PARP12: variants seen among roughly 807,000 people sequenced by gnomAD.
PARP12 encodes protein mono-ADP-ribosyltransferase PARP12.
In PARP12, 59 loss-of-function variants were observed where a neutral mutation model predicts 72.4. That is an observed-to-expected ratio of 0.81 (90% CI 0.66 to 1.01). The LOEUF is 1.01. PARP12 is among the 50% of genes least tolerant of loss of function. The probability of loss-of-function intolerance (pLI) is 0.00; values close to 1 mark genes in which losing one functional copy is unlikely to be tolerated. For synonymous variants in PARP12, 403 were observed against 371.4 expected (o/e 1.09, Z -0.98); for missense variants, 851 against 914.0 (o/e 0.93, Z 0.89).
chr7:140,047,095 A>G (rs1175020028), intron 4 of PARP12, 88 bp from the exon 5 acceptor site: 12 of 1,423,972 alleles, frequency 8.4e-6, no homozygotes, highest in Non-Finnish European at 1.1e-5. Flanking sequence ...GGTGCTGCCC[A>G]CTGACCTGGG....
At position 140,026,324 on chromosome 7, in the gene PARP12, C is replaced by A. The variant is rs976278162; in HGVS notation, c.1653G>T (p.Gln551His). The change falls in exon 11 of 12, where the codon CAG (glutamine) becomes CAT (histidine). Residue 551 changes from glutamine (Q) to histidine (H), a missense_variant. This residue lies in a region of PARP12 where 347 missense variants were observed against 396.1 expected (regional missense o/e 0.88). Coordinates refer to ENST00000263549, the MANE Select transcript of PARP12 (RefSeq NM_022750.4). ...GCTCGTCCACGGCCTTCCCTCCGTT[C>A]TGCTTCTGCATCTGTCCTTTTTGCC... ...YQWQKGQMQK[Q>H]NGGKAVDERQ... 1.2e-6 allele frequency: 2 copies of A among 1,611,928 alleles called. No individual in the cohort carries two copies. The highest frequency in any genetic ancestry group is 2.7e-5 in the African/African-American group (2 of 74,954).
In PARP12 at chr7:140,055,194, A is replaced by C. The variant is rs150564358; in HGVS notation, c.761-431T>G. Among the ~76,000 whole-genome samples the C allele has an allele frequency of 1.0e-2, 1,516 of 152,330 alleles. 14 individuals are homozygous for C. The highest frequency in any genetic ancestry group is 0.017 in the Non-Finnish European group (1,153 of 68,026). On this transcript the variant is annotated intron_variant, in intron 3 of 11. Coordinates refer to ENST00000263549, the MANE Select transcript of PARP12 (RefSeq NM_022750.4). ...CATCTTACAATTCCTTCTATGCCTA[A>C]GGTTGTGATGACCCCTGAGGGCAAA...
In PARP12 at chr7:140,026,449, G is replaced by T. The variant is rs532115842; in HGVS notation, c.1629-101C>A. 1,292 of 1,492,370 alleles carry T rather than the reference G, an allele frequency of 8.7e-4. 22 individuals are homozygous for T. In the South Asian group the frequency reaches 0.013, roughly 15 times the overall value. The allele number at this position is 1,492,370 out of a possible 1,614,324, so 92.4% of individuals were successfully genotyped here. A position where few individuals can be genotyped will look rare whatever the true frequency, so the allele number is the denominator to read the frequency against. ...CACATTTTTCCAAAATTCCAAAAGT[G>T]TCCTGGGACCAAGAGACGCAGGTCA... On this transcript the variant is annotated intron_variant, in intron 10 of 11. Transcript: ENST00000263549.
At chr7:140,051,088 G>C (rs1414963136) in intron 4 of PARP12, among the ~76,000 whole-genome samples, 1 of 152,134 alleles carries the variant, frequency 6.6e-6, no homozygotes, top group Non-Finnish European at 1.5e-5. Context: ...AATGAAGACG[G>C]GGTTACTTTG....
At chr7:140,050,291 G>C (rs1230634820) in intron 4 of PARP12, among the ~76,000 whole-genome samples, 4 of 152,190 alleles carry the variant, frequency 2.6e-5, no homozygotes. Flanking sequence ...GGGAGCCCCT[G>C]GCAGAGGCAC....
chr7:140,057,188 G>A, intron 2 of PARP12, 35 bp from the exon 3 acceptor site: 1 of 1,587,490 alleles, frequency 6.3e-7, no homozygotes, highest in Non-Finnish European at 8.6e-7. Flanking sequence ...ACCAGTTCAG[G>A]AAGGTCTCAC....
intron 9 of PARP12, among the ~76,000 whole-genome samples, chr7:140,028,254 G>A (rs936225441): frequency 1.3e-5 from 2 of 152,024 alleles, no homozygotes; most frequent in Admixed American, 6.6e-5. Context: ...AATGTCCATC[G>A]GACTCAGGTC....
rs1307692445 is a variant in PARP12, at chr7:140,058,886, G to A, written c.327-852C>T. On this transcript the variant is annotated intron_variant, in intron 1 of 11. Transcript: ENST00000263549. ...CAGGGTGGATGGATCACTTGAGGTCGGGAGTTCGAGACTAGCCTGGCCAAC... is the reference window on the plus strand; with the variant it reads ...CAGGGTGGATGGATCACTTGAGGTCAGGAGTTCGAGACTAGCCTGGCCAAC... Among the ~76,000 whole-genome samples, 7 of 152,064 alleles carry A rather than the reference G, an allele frequency of 4.6e-5. No individual in the cohort carries two copies. In the South Asian group the frequency reaches 1.2e-3, roughly 27 times the overall value.
At chr7:140,040,835 C>T (rs1261792900) in intron 6 of PARP12, among the ~76,000 whole-genome samples, 1 of 152,234 alleles carries the variant, frequency 6.6e-6, no homozygotes, top group Non-Finnish European at 1.5e-5. Flanking sequence ...GTGATCTCTG[C>T]TCACTGCAAC....
rs1016552209 is a variant in PARP12, at chr7:140,062,740, G to C, written c.108C>G (p.Ala36=). The C allele has an allele frequency of 1.5e-6, 2 of 1,368,760 alleles. No homozygotes were observed. Among genetic ancestry groups the C allele is most frequent in the African/African-American group, 1.5e-5 (1 of 65,840 alleles). 84.8% of individuals were successfully genotyped at this position (1,368,760 alleles called of 1,614,324 possible). Residue 36 remains alanine (A), a synonymous_variant, in exon 1 of 12, where the codon GCC becomes GCG. Transcript: ENST00000263549. Reference sequence around the variant, plus strand: ...GCCGCAGCAGCCGCTCCAGCGCGTCGGCGCTCAAGCCCATCCGCAAGCGGC... The same window carrying C: ...GCCGCAGCAGCCGCTCCAGCGCGTCCGCGCTCAAGCCCATCCGCAAGCGGC... ...LRRRLRMGLS[A]DALERLLRQR... is the part of the protein sequence containing the mutation.
chr7:140,034,291 CT>C lies in PARP12; in HGVS notation c.1364del (p.Lys455ArgfsTer14). ...QKNLVYGTTK[K>X]VCRRPKYVSP... ...ACACGTATTTGGGTCTGCGGCAAAC[CT>C]TTTTAGTTGTGCCATAGACCAGGTT... On this transcript the variant is annotated frameshift_variant, in exon 8 of 12. Coordinates refer to ENST00000263549, the MANE Select transcript of PARP12 (RefSeq NM_022750.4). LOFTEE classifies it high-confidence loss of function. The C allele has an allele frequency of 6.2e-7, 1 of 1,612,926 alleles. No homozygotes were observed. The highest frequency in any genetic ancestry group is 1.3e-5 in the African/African-American group (1 of 74,922).
At chr7:140,034,144 G>C (rs1007745248) in intron 8 of PARP12, 91 bp downstream of exon 8, 1 of 1,500,834 alleles carries the variant, frequency 6.7e-7, no homozygotes, top group Non-Finnish European at 8.9e-7. Context: ...AACGGTGCCC[G>C]GGTGCTGTCT....
At chr7:140,051,193 A>G (rs1030449599) in intron 4 of PARP12, among the ~76,000 whole-genome samples, 3 of 152,180 alleles carry the variant, frequency 2.0e-5, no homozygotes, top group Non-Finnish European at 4.4e-5. Context: ...AAGTTCATGG[A>G]AAACGGAATT....
chr7:140,037,823 T>C lies in PARP12; in HGVS notation c.1216A>G (p.Ser406Gly). 1.2e-6 allele frequency: 2 copies of C among 1,613,512 alleles called. No individual in the cohort carries two copies. The highest frequency in any genetic ancestry group is 1.1e-5 in the South Asian group (1 of 91,078). Reference sequence around the variant, plus strand: ...GCCAGGTAGGCCTTCTCCACGTCGCTACTGCTGACAGTGGTCACAGGGTGC... The same window carrying C: ...GCCAGGTAGGCCTTCTCCACGTCGCCACTGCTGACAGTGGTCACAGGGTGC... ...TVHPVTTVSSSDVEKAYLAYC... is the reference protein window; with the variant it reads ...TVHPVTTVSSGDVEKAYLAYC... Residue 406 changes from serine (S) to glycine (G), a missense_variant, in exon 7 of 12, where the codon AGC (serine) becomes GGC (glycine). By Grantham distance (56) the Ser-to-Gly change is moderately conservative (BLOSUM62 0). Transcript: ENST00000263549.
chr7:140,048,478 A>G (rs1816826578), intron 4 of PARP12, among the ~76,000 whole-genome samples: 1 of 152,186 alleles, frequency 6.6e-6, no homozygotes, highest in Non-Finnish European at 1.5e-5. Flanking sequence ...AAGGAGAGAA[A>G]AAGAATGAGA....
rs941124167 is a variant in PARP12, at chr7:140,024,414, T to A, written c.*146A>T. ...GTGACTTAAAAGTAAAAATCATTATTAGCAAGAGATTAAGAACATAACTTC... is the reference window on the plus strand; with the variant it reads ...GTGACTTAAAAGTAAAAATCATTATAAGCAAGAGATTAAGAACATAACTTC... On this transcript the variant is annotated 3_prime_UTR_variant, in exon 12 of 12. Coordinates refer to ENST00000263549, the MANE Select transcript of PARP12 (RefSeq NM_022750.4). The A allele has an allele frequency of 3.2e-6, 3 of 935,940 alleles. No homozygotes were observed. In the African/African-American group the frequency reaches 5.0e-5, roughly 15 times the overall value. The allele number at this position is 935,940 out of a possible 1,614,324, so 58.0% of individuals were successfully genotyped here. A position where few individuals can be genotyped will look rare whatever the true frequency, so the allele number is the denominator to read the frequency against.
chr7:140,055,980 G>A (rs1320317387), intron 3 of PARP12, among the ~76,000 whole-genome samples: 2 of 152,222 alleles, frequency 1.3e-5, no homozygotes, highest in Non-Finnish European at 1.5e-5. Flanking sequence ...TCTGAGGGGA[G>A]GCATGTCTCA....
chr7:140,027,556 A>G, intron 9 of PARP12, 150 bp from the exon 10 acceptor site: 1 of 890,548 alleles, frequency 1.1e-6, no homozygotes, highest in Non-Finnish European at 1.7e-6. Flanking sequence ...CTCCAGGCAC[A>G]GGAGACAATC....
Position 140,062,770 on chromosome 7 carries a change from C to T in PARP12, c.78G>A (p.Leu26=), listed in dbSNP as rs1817524463. ...TCAAGCCCATCCGCAAGCGGCGCCG[C>T]AGCTCGGGCAACTCCAGGGCGCCCC... ...AAGGALELPE[L]RRRLRMGLSA... is the part of the protein sequence containing the mutation. Residue 26 remains leucine, a synonymous_variant, in exon 1 of 12, where the codon CTG becomes CTA. Coordinates refer to ENST00000263549, the MANE Select transcript of PARP12 (RefSeq NM_022750.4). 7.2e-7 allele frequency: 1 copy of T among 1,396,154 alleles called. No homozygotes were observed. Among genetic ancestry groups the T allele is most frequent in the African/African-American group, 1.5e-5 (1 of 66,758 alleles). 86.5% of individuals were successfully genotyped at this position (1,396,154 alleles called of 1,614,324 possible).
Sources: allele counts gnomAD v4.1 joint callset (sites outside exome capture counted in the v4.1 genomes callset), GRCh38; gene constraint gnomAD v4.1.1; regional missense constraint gnomAD v4.1.1; transcripts MANE v1.5; gene names NCBI Gene and HGNC (gene_info 2026-07-23, HGNC 2026-07-21).